The following LRRC56 variants were observed in gnomAD, a reference collection of about 807,000 sequenced individuals.
LRRC56 encodes leucine rich repeat containing 56.
A neutral mutation model predicts 47.8 loss-of-function variants in LRRC56; 41 were observed. The observed-to-expected ratio is 0.86, with a 90% CI of 0.67 to 1.11. The LOEUF is 1.11. Among genes scored for constraint, LRRC56 ranks in the 50% most tolerant of loss-of-function variants. The pLI is 0.00. For synonymous variants in LRRC56, 387 were observed against 311.2 expected, an observed-to-expected ratio of 1.24 and a Z score of -2.56; for missense variants, 759 against 704.2, an observed-to-expected ratio of 1.08 and a Z score of -0.88.
the LRRC56 span, chr11:532,382 T>C: frequency 1.7e-6 from 1 of 587,076 alleles, no homozygotes; most frequent in Non-Finnish European, 3.0e-6. Flanking sequence ...CCTGGGAGGG[T>C]CTGCAGTCAC....
intron 5 of LRRC56, among the ~76,000 whole-genome samples, chr11:542,269 A>G (rs1185890184): frequency 2.0e-5 from 3 of 152,106 alleles, no homozygotes; most frequent in Non-Finnish European, 4.4e-5. Context: ...CAGAGGAACA[A>G]AGGCCAAAAT....
At chr11:528,398 C>T in the LRRC56 span, 3 of 151,970 alleles carry the variant, frequency 2.0e-5, no homozygotes, top group African/African-American at 2.4e-5. Flanking sequence ...CAGGGCCTGT[C>T]AATCAGTGGG....
the LRRC56 span, among the ~76,000 whole-genome samples, chr11:517,586 A>G: frequency 2.3e-5 from 3 of 131,104 alleles, no homozygotes; most frequent in African/African-American, 3.0e-5. Context: ...GGTGAGGAGC[A>G]CCTCTGCCCG....
the LRRC56 span, among the ~76,000 whole-genome samples, chr11:510,598 CATG>C: frequency 1.3e-5 from 2 of 152,082 alleles, no homozygotes; most frequent in African/African-American, 4.8e-5. Context: ...ATTAGCCAGG[CATG>C]GTGGCACATG....
chr11:527,359 T>C, the LRRC56 span, among the ~76,000 whole-genome samples: 8 of 152,134 alleles, frequency 5.3e-5, no homozygotes, highest in Non-Finnish European at 1.2e-4. Context: ...CCTTGCGCAG[T>C]GAACTCTGGG....
At chr11:553,533 A>C (rs12360657) in intron 13 of LRRC56, among the ~76,000 whole-genome samples, 3 of 152,092 alleles carry the variant, frequency 2.0e-5, no homozygotes, top group African/African-American at 7.2e-5. Context: ...CAGTGGCCTC[A>C]GGGCAGGGTC....
chr11:510,156 G>T, the LRRC56 span, among the ~76,000 whole-genome samples: 1 of 152,110 alleles, frequency 6.6e-6, no homozygotes, highest in Non-Finnish European at 1.5e-5. Flanking sequence ...CCATGAAAGG[G>T]AATCCAGGGA....
At chr11:538,389 G>A (rs1851626468) in intron 1 of LRRC56, among the ~76,000 whole-genome samples, 1 of 152,220 alleles carries the variant, frequency 6.6e-6, no homozygotes, top group Non-Finnish European at 1.5e-5. Context: ...GCAGTGTTGG[G>A]GTCCTGCTGT....
the LRRC56 span, chr11:507,445 C>G: frequency 6.2e-5 from 2 of 32,408 alleles, no homozygotes; most frequent in Non-Finnish European, 1.2e-4. Context: ...GCGTGGTCTC[C>G]CCCAGTAGGC....
At chr11:525,951 GATC>G in the LRRC56 span, among the ~76,000 whole-genome samples, 2 of 151,872 alleles carry the variant, frequency 1.3e-5, no homozygotes, top group East Asian at 3.9e-4. Context: ...ATCCCGGCAT[GATC>G]CTTCCCTTTG....
upstream of LRRC56, chr11:532,766 AGGGAT>A: frequency 6.2e-7 from 1 of 1,611,938 alleles, no homozygotes; most frequent in Non-Finnish European, 8.5e-7. Flanking sequence ...CTGGGAAAGG[AGGGAT>A]GGGATCAGGA....
intron 4 of LRRC56, 70 bp downstream of exon 4, chr11:540,931 C>T: frequency 7.8e-7 from 1 of 1,287,554 alleles, no homozygotes; most frequent in South Asian, 1.5e-5. Flanking sequence ...CTCCTTCCTG[C>T]TGATGGTCCA....
At chr11:552,457 T>TG in intron 12 of LRRC56, 112 bp from the exon 13 acceptor site, 1 of 1,216,022 alleles carries the variant, frequency 8.2e-7, no homozygotes, top group Non-Finnish European at 1.2e-6. Flanking sequence ...GGATCAGGGC[T>TG]GGGGCTACCT....
chr11:552,436 G>A, intron 12 of LRRC56, 133 bp from the exon 13 acceptor site: 2 of 1,162,352 alleles, frequency 1.7e-6, no homozygotes, highest in East Asian at 2.6e-5. Flanking sequence ...TGTGTGTCCT[G>A]TCCCGTGGGG....
At chr11:508,306 C>G in the LRRC56 span, among the ~76,000 whole-genome samples, 7 of 152,224 alleles carry the variant, frequency 4.6e-5, no homozygotes, top group Non-Finnish European at 8.8e-5. Context: ...GCTGGTACCA[C>G]AGGCGCCAGC....
chr11:552,054 G>A (rs1007630336), intron 11 of LRRC56, 36 bp from the exon 12 acceptor site: 1 of 1,604,602 alleles, frequency 6.2e-7, no homozygotes, highest in Non-Finnish European at 8.5e-7. Flanking sequence ...CCATTCCAGG[G>A]CCAGAATCCC....
At chr11:551,101 CCCTCCCT>C in intron 8 of LRRC56, 23 bp from the exon 9 acceptor site, 1 of 1,235,420 alleles carries the variant, frequency 8.1e-7, no homozygotes, top group Non-Finnish European at 1.1e-6. Context: ...CCCAGACCTG[CCCTCCCT>C]CCCCCTCCCC....
chr11:531,165 A>C, the LRRC56 span, among the ~76,000 whole-genome samples: 13,531 of 148,156 alleles, frequency 0.091, 779 homozygotes, highest in Admixed American at 0.18. Flanking sequence ...CGTCCCCTGG[A>C]GAGAAGGGCG....
the LRRC56 span, among the ~76,000 whole-genome samples, chr11:511,738 G>T: frequency 2.3e-4 from 35 of 152,308 alleles, no homozygotes; most frequent in East Asian, 6.2e-3. Context: ...GCCCAGGCGT[G>T]ACCCTCTCCT....
Sources: gnomAD v4.1 joint callset for allele counts (sites outside exome capture counted in the v4.1 genomes callset) on GRCh38, gnomAD v4.1.1 for gene constraint, MANE v1.5 for transcripts, NCBI Gene and HGNC (gene_info 2026-07-23, HGNC 2026-07-21) for gene names.